Variants in RTL1 observed in about 807,000 individuals in gnomAD.
RTL1 encodes retrotransposon-like protein 1.
For synonymous variants in RTL1, 727 were observed against 748.4 expected (o/e 0.97, Z 0.47); for missense variants, 1,681 against 1,767.5 (o/e 0.95, Z 0.88).
Position 100,882,020 on chromosome 14 carries a change from C to T in RTL1, c.2769G>A (p.Lys923=), listed in dbSNP as rs1238151221. The T allele has an allele frequency of 3.1e-6, 5 of 1,613,496 alleles. No homozygotes were observed. The highest frequency in any genetic ancestry group is 4.2e-6 in the Non-Finnish European group (5 of 1,179,826). The part of the protein sequence containing the change: ...IEVEYSQAEM[K]ILPIRAAFMV... ...TGAAGGCAGCCCGTATTGGAAGAAT[C>T]TTCATCTCCGCTTGAGAGTACTCAA... Residue 923 remains lysine (K), a synonymous_variant, in exon 4 of 4, where the codon AAG becomes AAA. Coordinates refer to ENST00000649591, the MANE Select transcript of RTL1 (RefSeq NM_001134888.3).
At chr14:100,898,777 A>G (rs1483423607) in intron 2 of RTL1, among the ~76,000 whole-genome samples, 2 of 152,234 alleles carry the variant, frequency 1.3e-5, no homozygotes. Flanking sequence ...CCTGTTGGGG[A>G]GCCCAAAGTT....
rs779316332 is a variant in RTL1, at chr14:100,883,386, C to T, written c.1403G>A (p.Gly468Asp). The change falls in exon 4 of 4, where the codon GGC becomes GAC. Residue 468 changes from glycine (G) to aspartate (D), a missense_variant. Transcript: ENST00000649591. This position sits in a 1 kb window ranked among gnomAD's most constrained non-coding sequence, Gnocchi z 5.9. Reference sequence around the variant, plus strand: ...CGTGTAGAGCCAGACAGGCTCGTTGCCAATCAGCGAGCCGTCCACGGATTG... The same window carrying T: ...CGTGTAGAGCCAGACAGGCTCGTTGTCAATCAGCGAGCCGTCCACGGATTG... ...PVQSVDGSLI[G>D]NEPVWLYTEP... is the part of the protein sequence containing the mutation. The T allele has an allele frequency of 2.0e-5, 31 of 1,550,414 alleles. No individual in the cohort carries two copies. In the South Asian group the frequency reaches 3.5e-4, roughly 17 times the overall value.
rs2038809531 is a variant in RTL1, at chr14:100,893,412, G to A, written c.-87+32C>T. On this transcript the variant is annotated intron_variant, in intron 3 of 3. Coordinates refer to ENST00000649591, the MANE Select transcript of RTL1 (RefSeq NM_001134888.3). The surrounding 1 kb of genome is among the most constrained non-coding windows in gnomAD (Gnocchi z 4.2). ...GCCTGCCCACCCGATCCCTGGGGGA[G>A]GTCGACATGGGACCTCTGCCCCACA... is the stretch of plus-strand genomic sequence containing the variant. Among the ~76,000 whole-genome samples the A allele has an allele frequency of 6.6e-6, 1 of 152,126 alleles. No individual in the cohort carries two copies. The highest frequency in any genetic ancestry group is 1.5e-5 in the Non-Finnish European group (1 of 68,040).
chr14:100,900,119 C>A (rs879611419), intron 2 of RTL1, among the ~76,000 whole-genome samples: 9 of 152,234 alleles, frequency 5.9e-5, no homozygotes, highest in Non-Finnish European at 1.3e-4. Flanking sequence ...TATAAAAAGT[C>A]AGACTTCTCC....
chr14:100,890,237 C>G (rs1241488202), intron 3 of RTL1, among the ~76,000 whole-genome samples: 6 of 151,836 alleles, frequency 4.0e-5, no homozygotes, highest in African/African-American at 1.5e-4. Context: ...GGGTCAGCTC[C>G]TTGCTTGCCT....
chr14:100,882,301 C>G lies in RTL1; in HGVS notation c.2488G>C (p.Ala830Pro). Reference sequence around the variant, plus strand: ...AGCAGCTGCCGCACCAGGGGCTCTGCGATGATGCTGAAGCGCTCCACGAAG... The same window carrying G: ...AGCAGCTGCCGCACCAGGGGCTCTGGGATGATGCTGAAGCGCTCCACGAAG... Reference protein sequence around the residue: ...RHFVERFSIIAEPLVRQLLSS... With the variant: ...RHFVERFSIIPEPLVRQLLSS... The change falls in exon 4 of 4, where the codon GCA (alanine) becomes CCA (proline). Residue 830 changes from alanine to proline, a missense_variant. By Grantham distance (27) the Ala-to-Pro change is conservative. Transcript: ENST00000649591. 6.4e-7 allele frequency: 1 copy of G among 1,551,624 alleles called. No homozygotes were observed. Among genetic ancestry groups the G allele is most frequent in the Non-Finnish European group, 8.7e-7 (1 of 1,147,008 alleles).
rs1314482883 is a variant in RTL1 at position 100,883,555 on chromosome 14, G to T, written c.1234C>A (p.Leu412Met). The T allele has an allele frequency of 1.9e-6, 3 of 1,551,424 alleles. No homozygotes were observed. Among genetic ancestry groups the T allele is most frequent in the Non-Finnish European group, 1.7e-6 (2 of 1,147,002 alleles). ...TAGGGGTTCACTCTCACCATGAGCA[G>T]CAGGAAGAGGTGGGCGCGATTGATG... ...PDINRAHLFL[L>M]LMVRVNPYHS... The change falls in exon 4 of 4, where the codon CTG becomes ATG. Residue 412 changes from leucine (L) to methionine (M), a missense_variant. Transcript: ENST00000649591. The surrounding 1 kb of genome is among the most constrained non-coding windows in gnomAD (Gnocchi z 5.9).
chr14:100,882,616 C>G lies in RTL1; in HGVS notation c.2173G>C (p.Gly725Arg), dbSNP rs1321080034. The G allele has an allele frequency of 1.3e-6, 2 of 1,551,668 alleles. No individual in the cohort carries two copies. The highest frequency in any genetic ancestry group is 1.7e-6 in the Non-Finnish European group (2 of 1,146,962). ...TGGCCATAAGAAAGCACAAAGAACCCTAGCATGTCCTTTAGGATGAAGTGA... is the reference window on the plus strand; with the variant it reads ...TGGCCATAAGAAAGCACAAAGAACCGTAGCATGTCCTTTAGGATGAAGTGA... ...VIHFILKDML[G>R]FFVLSYGQEV... Residue 725 changes from glycine to arginine, a missense_variant, in exon 4 of 4, where the codon GGG (glycine) becomes CGG (arginine). Coordinates refer to ENST00000649591, the MANE Select transcript of RTL1 (RefSeq NM_001134888.3).
At chr14:100,897,753 G>GA (rs1595344960) in intron 2 of RTL1, 1 of 141,836 alleles carries the variant, frequency 7.1e-6, no homozygotes, top group South Asian at 1.1e-4. Flanking sequence ...CTGGTTGGCG[G>GA]GGGGGGGGGT....
Position 100,882,393 on chromosome 14 carries a change from C to A in RTL1, c.2396G>T (p.Gly799Val), listed in dbSNP as rs746739261. 45 of 1,551,698 alleles carry A rather than the reference C, an allele frequency of 2.9e-5. No individual in the cohort carries two copies. Among genetic ancestry groups the A allele is most frequent in the Non-Finnish European group, 3.9e-5 (45 of 1,147,036 alleles). Residue 799 changes from glycine (G) to valine (V), a missense_variant, in exon 4 of 4, where the codon GGG becomes GTG. Gly to Val is a moderately radical substitution (Grantham distance 109). Coordinates refer to ENST00000649591, the MANE Select transcript of RTL1 (RefSeq NM_001134888.3). The stretch of plus-strand genomic sequence containing the variant: ...TAGCTTGGAGCCAGGGGTAGGGTAC[C>A]CTGTTATGATGGTCATGACGTTCTT... ...LNKNVMTIIT[G>V]YPTPGSKLSL...
chr14:100,883,523 G>C lies in RTL1; in HGVS notation c.1266C>G (p.Ser422Arg). ...LLMVRVNPYH[S>R]VAVQALVDSG... ...AATCCACCAGGGCCTGGACCGCGAC[G>C]CTGTGGTAGGGGTTCACTCTCACCA... is the stretch of plus-strand genomic sequence containing the variant. Residue 422 changes from serine (S) to arginine (R), a missense_variant, in exon 4 of 4, where the codon AGC becomes AGG. Physicochemically the swap from Ser to Arg is moderately radical, Grantham distance 110. Coordinates refer to ENST00000649591, the MANE Select transcript of RTL1 (RefSeq NM_001134888.3). This position sits in a 1 kb window ranked among gnomAD's most constrained non-coding sequence, Gnocchi z 5.9. 1 of 1,551,500 alleles carries C rather than the reference G, an allele frequency of 6.4e-7. No homozygotes were observed. The highest frequency in any genetic ancestry group is 8.7e-7 in the Non-Finnish European group (1 of 1,146,990).
intron 2 of RTL1, among the ~76,000 whole-genome samples, chr14:100,899,711 TAA>T (rs10660256): frequency 7.0e-6 from 1 of 142,824 alleles, no homozygotes. Flanking sequence ...TTCCTGATAT[TAA>T]AAAAAAAAAA....
chr14:100,901,069 C>G (rs901295423), intron 2 of RTL1, among the ~76,000 whole-genome samples: 1 of 152,330 alleles, frequency 6.6e-6, no homozygotes, highest in East Asian at 1.9e-4. Flanking sequence ...TGCTGCCCCC[C>G]CACGGCGGGT....
At chr14:100,898,522 A>T (rs1245118923) in intron 2 of RTL1, among the ~76,000 whole-genome samples, 1 of 152,154 alleles carries the variant, frequency 6.6e-6, no homozygotes, top group Non-Finnish European at 1.5e-5. Context: ...CCTCCATCTG[A>T]CTTCCTGGAG....
At position 100,883,506 on chromosome 14, in the gene RTL1, AG is replaced by A; in HGVS notation, c.1282del (p.Leu428TrpfsTer39). 1 of 1,551,500 alleles carries A rather than the reference AG, an allele frequency of 6.4e-7. No homozygotes were observed. The highest frequency in any genetic ancestry group is 8.7e-7 in the Non-Finnish European group (1 of 1,146,980). On this transcript the variant is annotated frameshift_variant, in exon 4 of 4. Transcript: ENST00000649591. LOFTEE classifies it low-confidence loss of function (END_TRUNC). The surrounding 1 kb of genome is among the most constrained non-coding windows in gnomAD (Gnocchi z 5.9). The stretch of plus-strand genomic sequence containing the variant: ...GTTGCCGTCAGCTCCCGAATCCACC[AG>A]GGCCTGGACCGCGACGCTGTGGTAG... ...NPYHSVAVQA[L>X]VDSGADGNFM...
chr14:100,890,307 G>C (rs368411484), intron 3 of RTL1, among the ~76,000 whole-genome samples: 4 of 151,106 alleles, frequency 2.6e-5, no homozygotes, highest in East Asian at 2.0e-4. Flanking sequence ...GGTTGGGTGT[G>C]GGGGGGGCCA....
At chr14:100,888,364 C>A (rs1184673370) in intron 3 of RTL1, among the ~76,000 whole-genome samples, 1 of 152,188 alleles carries the variant, frequency 6.6e-6, no homozygotes, top group Admixed American at 6.5e-5. Context: ...AAAGTCCCAA[C>A]TACTTAACAC....
At chr14:100,900,997 G>T (rs2038933928) in intron 2 of RTL1, among the ~76,000 whole-genome samples, 2 of 152,104 alleles carry the variant, frequency 1.3e-5, no homozygotes, top group Non-Finnish European at 2.9e-5. Context: ...AGCTGCCAGG[G>T]CCGTCTGTCT....
intron 2 of RTL1, among the ~76,000 whole-genome samples, chr14:100,902,312 A>C (rs933753168): frequency 1.3e-5 from 2 of 151,890 alleles, no homozygotes; most frequent in African/African-American, 4.8e-5. Flanking sequence ...CAATACCCCC[A>C]CCAATGGTGG....
Sources: gnomAD v4.1 joint callset for allele counts (sites outside exome capture counted in the v4.1 genomes callset) on GRCh38, gnomAD v4.1.1 for gene constraint, Gnocchi (gnomAD v3.1) non-coding constraint, MANE v1.5 for transcripts, NCBI Gene and HGNC (gene_info 2026-07-23, HGNC 2026-07-21) for gene names.